The following SSBP3 variants were observed in gnomAD, a reference collection of about 807,000 sequenced individuals.
The protein encoded by SSBP3 is single-stranded DNA-binding protein 3.
SSBP3 carries 5 observed loss-of-function variants against 69.6 expected under a neutral mutation model. That is an observed-to-expected ratio of 0.07 (90% CI 0.04 to 0.15). The LOEUF (loss-of-function observed/expected upper bound fraction) is 0.15, where lower values mean the gene tolerates loss of function less well. SSBP3 is among the 10% of genes least tolerant of loss of function. The pLI, the probability that SSBP3 is intolerant of heterozygous loss-of-function variation, is 1.00. For synonymous variants in SSBP3, 196 were observed against 193.4 expected (o/e 1.01, Z -0.11); for missense variants, 312 against 534.0 (o/e 0.58, Z 4.10).
chr1:54,411,970 C>T (rs879297131), intron 1 of SSBP3, among the ~76,000 whole-genome samples: 28 of 152,104 alleles, frequency 1.8e-4, no homozygotes, highest in Non-Finnish European at 3.7e-4. Context: ...ACCACTCCCC[C>T]AACTCCACCT....
chr1:54,275,575 C>T (rs1445264655), intron 5 of SSBP3, among the ~76,000 whole-genome samples: 1 of 152,200 alleles, frequency 6.6e-6, no homozygotes, highest in African/African-American at 2.4e-5. Flanking sequence ...TGGGCTTTGA[C>T]CCTCCCTGTG....
chr1:54,315,950 T>C (rs919508725), intron 4 of SSBP3, among the ~76,000 whole-genome samples: 11 of 151,660 alleles, frequency 7.3e-5, no homozygotes, highest in Admixed American at 6.6e-5. Context: ...GCATGAGCCA[T>C]TGCACCTGGC....
chr1:54,246,919 T>A (rs1644744068), intron 9 of SSBP3, among the ~76,000 whole-genome samples: 1 of 152,232 alleles, frequency 6.6e-6, no homozygotes, highest in African/African-American at 2.4e-5. Flanking sequence ...CCTGCCTGCC[T>A]GCAGCACCAC....
intron 4 of SSBP3, among the ~76,000 whole-genome samples, chr1:54,289,568 G>A (rs530302379): frequency 1.3e-5 from 2 of 152,298 alleles, no homozygotes; most frequent in African/African-American, 2.4e-5. Context: ...AGAACTGAGG[G>A]ACAGGCAAGG....
At position 54,396,193 on chromosome 1, in the gene SSBP3, G is replaced by GAAAAAAA. The variant is rs59276509; in HGVS notation, c.276+5661_276+5667dup. Among the ~76,000 whole-genome samples, 8 of 40,578 alleles carry GAAAAAAA rather than the reference G, an allele frequency of 2.0e-4. 1 individual carries two copies. Among genetic ancestry groups the GAAAAAAA allele is most frequent in the African/African-American group, 2.9e-4 (3 of 10,410 alleles). The allele number at this position is 40,578 out of a possible 152,430, so 26.6% of individuals were successfully genotyped here. ...GGTGACAGAGTGAGACTCCATCTCA[G>GAAAAAAA]AAAAAAAAAAAAAAAAAAAAAAAAA... On this transcript the variant is annotated intron_variant, in intron 4 of 17. Transcript: ENST00000610401.
chr1:54,383,800 GCC>G (rs2100736355), intron 4 of SSBP3, among the ~76,000 whole-genome samples: 1 of 152,048 alleles, frequency 6.6e-6, no homozygotes, highest in South Asian at 2.1e-4. Flanking sequence ...CCACTCCCCA[GCC>G]CCCTTTATAA....
chr1:54,404,504 CCTT>C, intron 3 of SSBP3, 69 bp downstream of exon 3: 2 of 1,581,680 alleles, frequency 1.3e-6, no homozygotes, highest in South Asian at 2.2e-5. Flanking sequence ...TCCAAGCCTC[CCTT>C]CTTTGTTCAC....
chr1:54,327,536 T>C (rs894616551), intron 4 of SSBP3, among the ~76,000 whole-genome samples: 8 of 152,166 alleles, frequency 5.3e-5, no homozygotes, highest in Non-Finnish European at 7.3e-5. Context: ...GCCGTTAACA[T>C]AAATAAAGCA....
Position 54,258,272 on chromosome 1 carries a change from G to C in SSBP3, c.367-123C>G, listed in dbSNP as rs1315295882. 4 of 628,098 alleles carry C rather than the reference G, an allele frequency of 6.4e-6. No individual in the cohort carries two copies. In the African/African-American group the frequency reaches 7.8e-5, roughly 12 times the overall value. The allele number at this position is 628,098 out of a possible 1,614,324, so 38.9% of individuals were successfully genotyped here. ...GGGCGGCGGGCGTGCGGGGGGGTGG[G>C]CTCTGGTTGGTGGGAGGTGGTGGAG... On this transcript the variant is annotated intron_variant, in intron 5 of 17. Transcript: ENST00000610401. This position sits in a 1 kb window ranked among gnomAD's most constrained non-coding sequence, Gnocchi z 4.5.
chr1:54,401,480 C>T (rs147722161), intron 4 of SSBP3, among the ~76,000 whole-genome samples: 3 of 152,234 alleles, frequency 2.0e-5, no homozygotes, highest in Non-Finnish European at 4.4e-5. Context: ...AACTCCAAAA[C>T]GCAAGTTTCC....
chr1:54,308,640 C>T (rs757703160), intron 4 of SSBP3, among the ~76,000 whole-genome samples: 1 of 149,924 alleles, frequency 6.7e-6, no homozygotes, highest in Non-Finnish European at 1.5e-5. Context: ...TGGTGGCGCA[C>T]ACCTGTAATC....
At chr1:54,247,002 C>T (rs981804009) in intron 9 of SSBP3, among the ~76,000 whole-genome samples, 10 of 152,240 alleles carry the variant, frequency 6.6e-5, no homozygotes, top group African/African-American at 2.4e-4. Context: ...CCACTGGCAC[C>T]GCTCTGCAGG....
chr1:54,318,264 T>C (rs1394318405), intron 4 of SSBP3, among the ~76,000 whole-genome samples: 1 of 152,098 alleles, frequency 6.6e-6, no homozygotes, highest in Non-Finnish European at 1.5e-5. Flanking sequence ...AAACCAGGCA[T>C]GCAGGCTTTA....
chr1:54,258,045 G>C lies in SSBP3; in HGVS notation c.447+24C>G. The C allele has an allele frequency of 6.4e-7, 1 of 1,567,664 alleles. No individual in the cohort carries two copies. Among genetic ancestry groups the C allele is most frequent in the Non-Finnish European group, 8.6e-7 (1 of 1,156,934 alleles). ...CCTCCGCGCCCCGCGTCCCCGGCGG[G>C]CGGGAGCGCCACGGTGCGTTTACCT... On this transcript the variant is annotated intron_variant, in intron 6 of 17. Transcript: ENST00000610401. This position sits in a 1 kb window ranked among gnomAD's most constrained non-coding sequence, Gnocchi z 4.5.
exon 18 of SSBP3, chr1:54,226,913 G>A (rs1421883426): frequency 1.7e-6 from 1 of 573,356 alleles, no homozygotes. Flanking sequence ...TGAGAGTTTT[G>A]TCCTTCTTGT....
intron 5 of SSBP3, among the ~76,000 whole-genome samples, chr1:54,260,904 G>A (rs1294567021): frequency 6.6e-6 from 1 of 152,222 alleles, no homozygotes; most frequent in African/African-American, 2.4e-5. Flanking sequence ...CTTGACAGAG[G>A]CCAAGCTAAA....
At chr1:54,381,382 CA>C (rs59809996) in intron 4 of SSBP3, among the ~76,000 whole-genome samples, 249 of 69,434 alleles carry the variant, frequency 3.6e-3, no homozygotes, top group South Asian at 5.7e-3. Flanking sequence ...TACACCATCT[CA>C]AAAAAAAAAA....
intron 4 of SSBP3, among the ~76,000 whole-genome samples, chr1:54,373,032 A>G (rs925171035): frequency 2.0e-5 from 3 of 152,206 alleles, no homozygotes; most frequent in African/African-American, 7.2e-5. Context: ...AATGATGAAG[A>G]GCAAACCAAC....
At chr1:54,277,206 C>T (rs147064501) in intron 5 of SSBP3, among the ~76,000 whole-genome samples, 162 of 152,166 alleles carry the variant, frequency 1.1e-3, no homozygotes, top group African/African-American at 3.6e-3. Context: ...GACACATTCA[C>T]GTTCATGGTA....
Sources: gnomAD v4.1 joint callset for allele counts (sites outside exome capture counted in the v4.1 genomes callset) on GRCh38, gnomAD v4.1.1 for gene constraint, Gnocchi (gnomAD v3.1) non-coding constraint, MANE v1.5 for transcripts, NCBI Gene and HGNC (gene_info 2026-07-23, HGNC 2026-07-21) for gene names.